The following LRRTM4 variants were observed in gnomAD, a reference collection of about 807,000 sequenced individuals.
LRRTM4 encodes the protein leucine-rich repeat transmembrane neuronal protein 4.
LRRTM4 carries 25 observed loss-of-function variants against 47.6 expected under a neutral mutation model. The ratio of observed to expected loss-of-function variants is 0.53; its 90% CI spans 0.38 to 0.73. The LOEUF (loss-of-function observed/expected upper bound fraction) is 0.73. Among genes scored for constraint, LRRTM4 ranks in the 30% least tolerant of loss-of-function variants. The pLI is 0.00. For missense variants in LRRTM4, 638 were observed against 713.4 expected, an observed-to-expected ratio of 0.89 and a Z score of 1.20; for synonymous variants, 311 against 269.5, an observed-to-expected ratio of 1.15 and a Z score of -1.51.
At chr2:77,155,737 G>A (rs879497047) in intron 3 of LRRTM4, among the ~76,000 whole-genome samples, 4 of 152,034 alleles carry the variant, frequency 2.6e-5, no homozygotes, top group Non-Finnish European at 5.9e-5. Context: ...GGAAGGTTAC[G>A]GGAGGGGGAG....
intron 3 of LRRTM4, among the ~76,000 whole-genome samples, chr2:76,852,266 A>C (rs2103976321): frequency 6.6e-6 from 1 of 152,272 alleles, no homozygotes; most frequent in African/African-American, 2.4e-5. Context: ...CAGCAAGCAT[A>C]AACTGAAGGT....
chr2:77,341,845 A>G (rs1671384378), intron 3 of LRRTM4, among the ~76,000 whole-genome samples: 1 of 152,002 alleles, frequency 6.6e-6, no homozygotes, highest in Non-Finnish European at 1.5e-5. Flanking sequence ...TTGTAAAAAC[A>G]AAACTGTGTG....
intron 3 of LRRTM4, among the ~76,000 whole-genome samples, chr2:77,443,822 T>C (rs527914732): frequency 1.6e-4 from 24 of 152,128 alleles, no homozygotes; most frequent in Non-Finnish European, 3.4e-4. Context: ...CTAAGTTAAA[T>C]GTTTTCACCA....
At chr2:77,087,737 T>C (rs1680769551) in intron 3 of LRRTM4, among the ~76,000 whole-genome samples, 2 of 152,168 alleles carry the variant, frequency 1.3e-5, no homozygotes, top group African/African-American at 4.8e-5. Flanking sequence ...TTGAAAATGA[T>C]ACAAAGGTAC....
intron 3 of LRRTM4, among the ~76,000 whole-genome samples, chr2:77,247,383 T>C (rs900300058): frequency 6.6e-6 from 1 of 152,134 alleles, no homozygotes; most frequent in Non-Finnish European, 1.5e-5. Flanking sequence ...CACTACCATA[T>C]GACTTACTGA....
intron 3 of LRRTM4, among the ~76,000 whole-genome samples, chr2:77,482,465 C>G (rs1300379100): frequency 6.6e-6 from 1 of 151,886 alleles, no homozygotes; most frequent in Non-Finnish European, 1.5e-5. Context: ...CACACAGAGA[C>G]CTGTGATTAA....
chr2:76,994,416 C>T (rs544643684), intron 3 of LRRTM4, among the ~76,000 whole-genome samples: 1 of 152,038 alleles, frequency 6.6e-6, no homozygotes, highest in African/African-American at 2.4e-5. Context: ...AAAATGGGCC[C>T]TTTGCATTTC....
chr2:77,217,022 G>A (rs1014342248), intron 3 of LRRTM4, among the ~76,000 whole-genome samples: 2 of 150,022 alleles, frequency 1.3e-5, no homozygotes, highest in Admixed American at 6.7e-5. Flanking sequence ...GCGGTGAGCC[G>A]AGATTGCGCC....
chr2:76,800,775 C>T lies in LRRTM4; in HGVS notation c.1552-51859G>A, dbSNP rs567809971. 5.7e-3 allele frequency among the ~76,000 whole-genome samples: 775 copies of T among 136,220 alleles called. 10 individuals carry two copies. The highest frequency in any genetic ancestry group is 0.021 in the East Asian group (83 of 4,036). The allele number at this position is 136,220 out of a possible 152,430, so 89.4% of individuals were successfully genotyped here. A position where few individuals can be genotyped will look rare whatever the true frequency, so the allele number is the denominator to read the frequency against. On this transcript the variant is annotated intron_variant, in intron 3 of 3. Coordinates refer to ENST00000409884, the MANE Select transcript of LRRTM4 (RefSeq NM_001134745.3). ...TTTACAAGAAAAAAACAAACAACCCCATCAAAAAGTGGGCGAAGGACATGA... is the reference window on the plus strand; with the variant it reads ...TTTACAAGAAAAAAACAAACAACCCTATCAAAAAGTGGGCGAAGGACATGA...
At chr2:76,856,635 A>C (rs1390023540) in intron 3 of LRRTM4, among the ~76,000 whole-genome samples, 1 of 152,180 alleles carries the variant, frequency 6.6e-6, no homozygotes, top group African/African-American at 2.4e-5. Context: ...GATATTTGTT[A>C]ATGGTTAAAA....
chr2:76,915,903 G>C (rs1300203304), intron 3 of LRRTM4, among the ~76,000 whole-genome samples: 1 of 152,048 alleles, frequency 6.6e-6, no homozygotes, highest in East Asian at 1.9e-4. Context: ...TAAACTTTGT[G>C]AGGAAATATT....
intron 3 of LRRTM4, among the ~76,000 whole-genome samples, chr2:77,464,201 G>A (rs894746376): frequency 6.6e-6 from 1 of 152,006 alleles, no homozygotes; most frequent in African/African-American, 2.4e-5. Context: ...TATCACAAGA[G>A]GTAAGAGCAG....
At chr2:76,761,267 C>T (rs1249180998) in intron 3 of LRRTM4, among the ~76,000 whole-genome samples, 1 of 152,202 alleles carries the variant, frequency 6.6e-6, no homozygotes, top group African/African-American at 2.4e-5. Flanking sequence ...GTTTTTTGAG[C>T]CTCCAACTAA....
intron 3 of LRRTM4, among the ~76,000 whole-genome samples, chr2:76,870,969 C>A (rs1343090009): frequency 1.3e-5 from 2 of 152,146 alleles, no homozygotes; most frequent in Non-Finnish European, 2.9e-5. Flanking sequence ...CTGAATGAAT[C>A]CAGAATAAGT....
At chr2:76,985,609 T>A (rs1290479017) in intron 3 of LRRTM4, among the ~76,000 whole-genome samples, 6 of 152,000 alleles carry the variant, frequency 3.9e-5, no homozygotes, top group Non-Finnish European at 8.8e-5. Context: ...TTCTGTTATG[T>A]CAAATGTCTT....
At chr2:77,510,065 T>C (rs576171358) in intron 3 of LRRTM4, among the ~76,000 whole-genome samples, 15 of 152,288 alleles carry the variant, frequency 9.8e-5, no homozygotes, top group African/African-American at 3.6e-4. Context: ...TTAATGTGTA[T>C]TTACATTGTT....
At chr2:77,396,952 C>A (rs1323022234) in intron 3 of LRRTM4, among the ~76,000 whole-genome samples, 1 of 151,910 alleles carries the variant, frequency 6.6e-6, no homozygotes, top group African/African-American at 2.4e-5. Context: ...GTAATAGCAA[C>A]TCTTGACCTG....
chr2:77,452,242 G>T (rs1180246551), intron 3 of LRRTM4, among the ~76,000 whole-genome samples: 1 of 152,188 alleles, frequency 6.6e-6, no homozygotes, highest in Non-Finnish European at 1.5e-5. Flanking sequence ...TTAAGTTATT[G>T]CAGTGGACTA....
intron 3 of LRRTM4, among the ~76,000 whole-genome samples, chr2:77,162,098 T>C (rs1170998078): frequency 3.9e-5 from 6 of 152,278 alleles, no homozygotes; most frequent in African/African-American, 1.2e-4. Context: ...AGGCGGTACC[T>C]GGAAAATCAG....
Sources: allele counts gnomAD v4.1 joint callset (sites outside exome capture counted in the v4.1 genomes callset), GRCh38; gene constraint gnomAD v4.1.1; transcripts MANE v1.5; gene names NCBI Gene and HGNC (gene_info 2026-07-23, HGNC 2026-07-21).